Variants in PLXNA4 observed in about 807,000 individuals in gnomAD.
PLXNA4 encodes the protein plexin-A4.
Under a neutral mutation model 191.8 loss-of-function variants are expected in PLXNA4, and 44 were observed. That is an observed-to-expected ratio of 0.23 (90% confidence interval 0.18 to 0.29). The LOEUF (loss-of-function observed/expected upper bound fraction) is 0.29. PLXNA4 is among the 10% of genes least tolerant of loss of function. PLXNA4 has a pLI of 1.00. For synonymous variants in PLXNA4, 1,082 were observed against 1,009.5 expected (o/e 1.07, Z -1.36); for missense variants, 1,800 against 2,488.8 (o/e 0.72, Z 5.89).
At chr7:132,301,595 C>A (rs1801308299) in intron 3 of PLXNA4, among the ~76,000 whole-genome samples, 1 of 152,158 alleles carries the variant, frequency 6.6e-6, no homozygotes, top group South Asian at 2.1e-4. Flanking sequence ...TGAGTTCACA[C>A]TCTACACCAA....
intron 5 of PLXNA4, among the ~76,000 whole-genome samples, chr7:132,238,530 C>T (rs570038023): frequency 1.1e-4 from 17 of 152,258 alleles, no homozygotes; most frequent in Admixed American, 3.3e-4. Flanking sequence ...CCTTGAGCAA[C>T]GAGGTGCCAG....
intron 3 of PLXNA4, among the ~76,000 whole-genome samples, chr7:132,401,797 C>G (rs777288370): frequency 6.6e-6 from 1 of 152,144 alleles, no homozygotes; most frequent in Admixed American, 6.5e-5. Context: ...TGTGCTTAGA[C>G]GAGTGGATCT....
At chr7:132,265,538 C>A (rs717007) in intron 4 of PLXNA4, among the ~76,000 whole-genome samples, 22,959 of 152,046 alleles carry the variant, frequency 0.15, 2,297 homozygotes, top group South Asian at 0.42. Context: ...GGCAGGAGAA[C>A]AGCAAGAAGA....
intron 3 of PLXNA4, among the ~76,000 whole-genome samples, chr7:132,465,047 A>T (rs1796646262): frequency 6.6e-6 from 1 of 152,188 alleles, no homozygotes; most frequent in South Asian, 2.1e-4. Context: ...ATCTATGGGG[A>T]GGGTGAATGA....
At chr7:132,371,429 C>G (rs2116899644) in intron 3 of PLXNA4, among the ~76,000 whole-genome samples, 1 of 152,308 alleles carries the variant, frequency 6.6e-6, no homozygotes, top group South Asian at 2.1e-4. Context: ...TCCCTAATCT[C>G]AAATCACTTC....
At chr7:132,189,118 T>G (rs547235066) in intron 14 of PLXNA4, among the ~76,000 whole-genome samples, 2 of 148,670 alleles carry the variant, frequency 1.3e-5, no homozygotes, top group African/African-American at 4.9e-5. Context: ...GAGACAGAGT[T>G]GAACTCAGGG....
chr7:132,315,674 G>T (rs1398557481), intron 3 of PLXNA4, among the ~76,000 whole-genome samples: 1 of 152,214 alleles, frequency 6.6e-6, no homozygotes, highest in Non-Finnish European at 1.5e-5. Flanking sequence ...ATTGACTTCT[G>T]TTCTGGTGGC....
At chr7:132,280,048 C>T (rs928045843) in intron 4 of PLXNA4, among the ~76,000 whole-genome samples, 2 of 152,268 alleles carry the variant, frequency 1.3e-5, no homozygotes, top group East Asian at 1.9e-4. Context: ...TGTTTGATGG[C>T]CACTATTCTA....
chr7:132,499,241 C>T (rs1286056867), intron 2 of PLXNA4, among the ~76,000 whole-genome samples: 1 of 152,220 alleles, frequency 6.6e-6, no homozygotes, highest in Admixed American at 6.5e-5. Flanking sequence ...CCAAGAGCCT[C>T]GTGTTCCTCC....
chr7:132,295,079 T>C (rs1266133012), intron 4 of PLXNA4, among the ~76,000 whole-genome samples: 1 of 152,242 alleles, frequency 6.6e-6, no homozygotes, highest in Non-Finnish European at 1.5e-5. Flanking sequence ...GTGCTTCCCT[T>C]ATCTGACTTA....
At chr7:132,467,085 T>G (rs1306541005) in intron 3 of PLXNA4, among the ~76,000 whole-genome samples, 1 of 152,132 alleles carries the variant, frequency 6.6e-6, no homozygotes, top group Non-Finnish European at 1.5e-5. Flanking sequence ...TCAGAGGGAC[T>G]GAGAAGTCAC....
chr7:132,584,705 CTT>C (rs1802475465), intron 2 of PLXNA4, among the ~76,000 whole-genome samples: 1 of 152,134 alleles, frequency 6.6e-6, no homozygotes, highest in Non-Finnish European at 1.5e-5. Flanking sequence ...ACACAAAAAA[CTT>C]AACAGCAGAA....
At chr7:132,341,831 G>A (rs1251715903) in intron 3 of PLXNA4, among the ~76,000 whole-genome samples, 7 of 152,172 alleles carry the variant, frequency 4.6e-5, no homozygotes, top group Admixed American at 4.6e-4. Flanking sequence ...TTTACTGAAT[G>A]ACAGTTACAT....
At chr7:132,493,814 A>G (rs1357542757) in intron 2 of PLXNA4, among the ~76,000 whole-genome samples, 1 of 151,744 alleles carries the variant, frequency 6.6e-6, no homozygotes, top group Non-Finnish European at 1.5e-5. Context: ...CAGATAGATA[A>G]ATAAAAGCCT....
intron 3 of PLXNA4, among the ~76,000 whole-genome samples, chr7:132,488,394 C>G (rs1024907336): frequency 1.3e-5 from 2 of 152,198 alleles, no homozygotes; most frequent in Non-Finnish European, 2.9e-5. Context: ...TAGTCTCAAT[C>G]TTTACTCAAT....
At chr7:132,292,014 C>T (rs1012534870) in intron 4 of PLXNA4, among the ~76,000 whole-genome samples, 12 of 152,132 alleles carry the variant, frequency 7.9e-5, no homozygotes, top group African/African-American at 1.4e-4. Flanking sequence ...AGGCTGGTCT[C>T]GAACTCCTGA....
At chr7:132,536,525 C>T (rs1799840227) in intron 1 of PLXNA4, among the ~76,000 whole-genome samples, 1 of 152,210 alleles carries the variant, frequency 6.6e-6, no homozygotes, top group African/African-American at 2.4e-5. Flanking sequence ...CCTTCAGCCC[C>T]TGCAGGGCCC....
At chr7:132,436,972 G>A (rs2117225290) in intron 3 of PLXNA4, among the ~76,000 whole-genome samples, 2 of 152,288 alleles carry the variant, frequency 1.3e-5, no homozygotes, top group Middle Eastern at 6.8e-3. Flanking sequence ...ACTTGGATAT[G>A]ACTGGGCTTT....
chr7:132,573,886 G>T (rs550203111), intron 1 of PLXNA4, among the ~76,000 whole-genome samples: 1 of 152,252 alleles, frequency 6.6e-6, no homozygotes, highest in Non-Finnish European at 1.5e-5. Context: ...CATGGCTGGG[G>T]TTTTTCTAGT....
Sources: allele counts gnomAD v4.1 joint callset (sites outside exome capture counted in the v4.1 genomes callset), GRCh38; gene constraint gnomAD v4.1.1; transcripts MANE v1.5; gene names NCBI Gene and HGNC (gene_info 2026-07-23, HGNC 2026-07-21).